PRKD3: variants seen among roughly 807,000 people sequenced by gnomAD.
The protein encoded by PRKD3 is protein kinase D3, also known as serine/threonine-protein kinase D3.
A neutral mutation model predicts 99.2 loss-of-function variants in PRKD3; 47 were observed. The observed-to-expected ratio is 0.47, with a 90% CI of 0.38 to 0.60. The LOEUF is 0.60. Ranked by LOEUF, PRKD3 falls within the 20% of genes least tolerant of loss-of-function variation. PRKD3 has a pLI of 0.00. For synonymous variants in PRKD3, 392 were observed against 355.4 expected, an observed-to-expected ratio of 1.10 and a Z score of -1.16; for missense variants, 1,019 against 1,088.4, an observed-to-expected ratio of 0.94 and a Z score of 0.90.
In PRKD3 at chr2:37,256,719, T is replaced by C; in HGVS notation, c.2356A>G (p.Ile786Val). Residue 786 changes from isoleucine to valine, a missense_variant, in exon 17 of 19, where the codon ATC (isoleucine) becomes GTC (valine). Transcript: ENST00000234179. ...FNEDEDINDQ[I>V]QNAAFMYPPN... is the part of the protein sequence containing the mutation. ...GGGTACATAAATGCAGCATTTTGGA[T>C]TTGGTCATTTATATCTTCATCCTCA... 1 of 1,612,422 alleles carries C rather than the reference T, an allele frequency of 6.2e-7. No individual in the cohort carries two copies.
Position 37,270,351 on chromosome 2 carries a change from GA to G in PRKD3, c.1705-665del, listed in dbSNP as rs11346799. Among the ~76,000 whole-genome samples, 770 of 140,826 alleles carry G rather than the reference GA, an allele frequency of 5.5e-3. 2 individuals carry two copies. Among genetic ancestry groups the G allele is most frequent in the South Asian group, 0.019 (87 of 4,580 alleles). The allele number at this position is 140,826 out of a possible 152,430, so 92.4% of individuals were successfully genotyped here. A position where few individuals can be genotyped will look rare whatever the true frequency, so the allele number is the denominator to read the frequency against. On this transcript the variant is annotated intron_variant, in intron 12 of 18. Transcript: ENST00000234179. The stretch of plus-strand genomic sequence containing the variant: ...GGAGATTTGCTCTCATTGATTTTTG[GA>G]AAAAAAAAAAAAAAAACTCAAAAGT...
intron 12 of PRKD3, among the ~76,000 whole-genome samples, chr2:37,270,149 C>G (rs1398947323): frequency 6.6e-6 from 1 of 151,978 alleles, no homozygotes; most frequent in Non-Finnish European, 1.5e-5. Context: ...ATCGCTTGAA[C>G]CCAGGAGGCA....
At position 37,293,410 on chromosome 2, in the gene PRKD3, G is replaced by C. The variant is rs541913619; in HGVS notation, c.289-139C>G. 7 of 757,264 alleles carry C rather than the reference G, an allele frequency of 9.2e-6. No homozygotes were observed. In the South Asian group the frequency reaches 3.2e-4, roughly 35 times the overall value. 46.9% of individuals were successfully genotyped at this position (757,264 alleles called of 1,614,324 possible). A position where few individuals can be genotyped will look rare whatever the true frequency, so the allele number is the denominator to read the frequency against. On this transcript the variant is annotated intron_variant, in intron 2 of 18. Coordinates refer to ENST00000234179, the MANE Select transcript of PRKD3 (RefSeq NM_005813.6). ...CTAACAATTCTATTGATACCTAAAA[G>C]GTGATCCACGTACTCAAGCATCCTG...
chr2:37,269,517 G>A (rs1250250779), intron 13 of PRKD3, 98 bp downstream of exon 13: 2 of 1,079,340 alleles, frequency 1.9e-6, no homozygotes, highest in East Asian at 2.4e-5. Context: ...AAAAGGCACT[G>A]GACAAAACTA....
At chr2:37,259,125 G>T (rs926647908) in intron 16 of PRKD3, among the ~76,000 whole-genome samples, 2 of 152,100 alleles carry the variant, frequency 1.3e-5, no homozygotes, top group African/African-American at 2.4e-5. Flanking sequence ...GAAGCACGAT[G>T]CCATTGTGTG....
Position 37,324,815 on chromosome 2 carries a change from C to G in PRKD3, c.-790G>C, listed in dbSNP as rs1288405881. 4 of 150,620 alleles carry G rather than the reference C, an allele frequency of 2.7e-5. No homozygotes were observed. The highest frequency in any genetic ancestry group is 4.1e-4 in the South Asian group (2 of 4,854). The allele number at this position is 150,620 out of a possible 1,614,324, so 9.3% of individuals were successfully genotyped here. On this transcript the variant is annotated 5_prime_UTR_variant, in exon 1 of 19. Coordinates refer to ENST00000234179, the MANE Select transcript of PRKD3 (RefSeq NM_005813.6). ...CCCCTTCCTCCCTCCCTCCCCGTCC[C>G]GTCCTGGGGCCGGAGGGCGGGGGGC...
chr2:37,261,343 C>T (rs1462181903), intron 14 of PRKD3, among the ~76,000 whole-genome samples: 3 of 151,964 alleles, frequency 2.0e-5, no homozygotes, highest in Non-Finnish European at 2.9e-5. Context: ...AAAAACTAAC[C>T]AGGTGTGGTG....
At chr2:37,295,710 C>T (rs187668248) in intron 2 of PRKD3, among the ~76,000 whole-genome samples, 13 of 152,264 alleles carry the variant, frequency 8.5e-5, no homozygotes, top group Non-Finnish European at 1.3e-4. Context: ...TACTTGATGG[C>T]TGTAAAAGTC....
At chr2:37,266,582 G>T (rs572646356) in intron 14 of PRKD3, among the ~76,000 whole-genome samples, 171 of 152,182 alleles carry the variant, frequency 1.1e-3, no homozygotes, top group Middle Eastern at 3.4e-3. Context: ...CACCTTCCAG[G>T]TTCAAGCGAT....
In PRKD3 at chr2:37,316,693, G is replaced by A; in HGVS notation, c.-169C>T. 1 of 1,430,016 alleles carries A rather than the reference G, an allele frequency of 7.0e-7. No homozygotes were observed. The highest frequency in any genetic ancestry group is 1.5e-5 in the South Asian group (1 of 64,830). 88.6% of individuals were successfully genotyped at this position (1,430,016 alleles called of 1,614,324 possible). A position where few individuals can be genotyped will look rare whatever the true frequency, so the allele number is the denominator to read the frequency against. On this transcript the variant is annotated 5_prime_UTR_variant, in exon 2 of 19. Transcript: ENST00000234179. ...TGCCGATACTTTTAAGTTTTATCAA[G>A]GAGTTGAATGCCCCAAAGGTCCTAT...
intron 17 of PRKD3, among the ~76,000 whole-genome samples, chr2:37,255,030 C>A (rs1454933889): frequency 6.6e-6 from 1 of 152,196 alleles, no homozygotes; most frequent in South Asian, 2.1e-4. Flanking sequence ...TAGACCCAGA[C>A]ACGAACCAAA....
At chr2:37,323,513 G>A (rs973577310) in intron 1 of PRKD3, among the ~76,000 whole-genome samples, 3 of 152,068 alleles carry the variant, frequency 2.0e-5, no homozygotes, top group South Asian at 2.1e-4. Flanking sequence ...GTCCATGCTT[G>A]ATCTTAACTC....
At position 37,279,472 on chromosome 2, in the gene PRKD3, T is replaced by C. The variant is rs73924796; in HGVS notation, c.1172+274A>G. The stretch of plus-strand genomic sequence containing the variant: ...GGCTGTTCCACAACTAGGTTTTACA[T>C]CTAGACCACACTTAAAGCATTTTTC... On this transcript the variant is annotated intron_variant, in intron 8 of 18. Coordinates refer to ENST00000234179, the MANE Select transcript of PRKD3 (RefSeq NM_005813.6). 1.4e-3 allele frequency: 308 copies of C among 219,358 alleles called. 1 individual carries two copies. Among genetic ancestry groups the C allele is most frequent in the African/African-American group, 6.7e-3 (290 of 43,524 alleles). 13.6% of individuals were successfully genotyped at this position (219,358 alleles called of 1,614,324 possible).
chr2:37,316,908 GT>G lies in PRKD3; in HGVS notation c.-385del. 2 of 1,005,816 alleles carry G rather than the reference GT, an allele frequency of 2.0e-6. No homozygotes were observed. The highest frequency in any genetic ancestry group is 2.4e-6 in the Non-Finnish European group (2 of 843,202). 62.3% of individuals were successfully genotyped at this position (1,005,816 alleles called of 1,614,324 possible). A position where few individuals can be genotyped will look rare whatever the true frequency, so the allele number is the denominator to read the frequency against. On this transcript the variant is annotated 5_prime_UTR_variant, in exon 2 of 19. Transcript: ENST00000234179. ...AGGAAATACATATTGAATAAAAGTTGTTTTTCTGTCAAGGTGAAATCCTCTT... is the reference window on the plus strand; with the variant it reads ...AGGAAATACATATTGAATAAAAGTTGTTTTCTGTCAAGGTGAAATCCTCTT...
intron 16 of PRKD3, among the ~76,000 whole-genome samples, chr2:37,259,052 G>GGAC: frequency 6.7e-6 from 1 of 148,776 alleles, no homozygotes; most frequent in South Asian, 2.1e-4. Context: ...TGAACACTTG[G>GGAC]AAAAAAAAAA....
chr2:37,259,812 C>A, intron 15 of PRKD3, 131 bp from the exon 16 acceptor site: 1 of 635,116 alleles, frequency 1.6e-6, no homozygotes, highest in Non-Finnish European at 2.7e-6. Context: ...TGTTATTCTG[C>A]TCCTTAAGGT....
At chr2:37,289,790 C>T (rs959441101) in intron 4 of PRKD3, among the ~76,000 whole-genome samples, 2 of 152,158 alleles carry the variant, frequency 1.3e-5, no homozygotes, top group Admixed American at 6.5e-5. Context: ...TACAAGGCTC[C>T]ACCCCAGATC....
intron 16 of PRKD3, among the ~76,000 whole-genome samples, chr2:37,258,920 T>G (rs2148490289): frequency 6.6e-6 from 1 of 152,312 alleles, no homozygotes; most frequent in East Asian, 1.9e-4. Context: ...GGAATCATCC[T>G]TGCCAATTAT....
At chr2:37,312,241 T>A (rs567936750) in intron 2 of PRKD3, among the ~76,000 whole-genome samples, 1 of 152,334 alleles carries the variant, frequency 6.6e-6, no homozygotes, top group South Asian at 2.1e-4. Flanking sequence ...AAAGCCTGCA[T>A]TTGTCAAAAT....
Sources: gnomAD v4.1 joint callset for allele counts (sites outside exome capture counted in the v4.1 genomes callset) on GRCh38, gnomAD v4.1.1 for gene constraint, MANE v1.5 for transcripts, NCBI Gene and HGNC (gene_info 2026-07-23, HGNC 2026-07-21) for gene names.